DMD: variants seen among roughly 807,000 people sequenced by gnomAD.
The protein encoded by DMD is dystrophin.
DMD carries 63 observed loss-of-function variants against 330.1 expected under a neutral mutation model. The observed-to-expected ratio is 0.19, with a 90% CI of 0.16 to 0.24. The LOEUF (loss-of-function observed/expected upper bound fraction) is 0.24. Ranked by LOEUF, DMD falls within the 10% of genes least tolerant of loss-of-function variation. The pLI, the probability that DMD is intolerant of heterozygous loss-of-function variation, is 1.00. For missense variants in DMD, 3,344 were observed against 2,684.1 expected (o/e 1.25, Z -5.43); for synonymous variants, 1,223 against 959.8 (o/e 1.27, Z -5.07).
chrX:32,084,104 A>C (rs1429865244), intron 44 of DMD, among the ~76,000 whole-genome samples: 1 of 112,035 alleles, frequency 8.9e-6, no homozygotes, highest in Admixed American at 9.5e-5. Context: ...ATGAACTTTA[A>C]ATGTTTCTGA....
At chrX:32,468,371 T>G (rs1409078988) in intron 23 of DMD, 127 bp downstream of exon 23, 5 of 587,026 alleles carry the variant, frequency 8.5e-6, no homozygotes, top group African/African-American at 2.3e-5. Context: ...TCATGTCTTT[T>G]CATCTTCTCA....
chrX:32,362,508 C>T (rs2097840565), intron 37 of DMD, among the ~76,000 whole-genome samples: 1 of 111,047 alleles, frequency 9.0e-6, no homozygotes. Context: ...CCTGAAAGTA[C>T]GTATGTAAAC....
At chrX:31,655,841 T>C (rs760993807) in intron 54 of DMD, among the ~76,000 whole-genome samples, 1 of 111,715 alleles carries the variant, frequency 9.0e-6, no homozygotes, top group East Asian at 2.8e-4. Context: ...CATTATAAAT[T>C]ACCCAGTCTG....
intron 30 of DMD, among the ~76,000 whole-genome samples, chrX:32,404,836 T>C (rs1322193276): frequency 9.0e-6 from 1 of 111,449 alleles, no homozygotes; most frequent in Non-Finnish European, 1.9e-5. Flanking sequence ...TAGAAAAAAA[T>C]GAATTGAAGA....
At chrX:32,700,064 G>T (rs1327734739) in intron 7 of DMD, among the ~76,000 whole-genome samples, 1 of 111,178 alleles carries the variant, frequency 9.0e-6, no homozygotes, top group African/African-American at 3.3e-5. Context: ...TAAAGTGGCA[G>T]CTCCTTCAAA....
intron 54 of DMD, among the ~76,000 whole-genome samples, chrX:31,637,471 G>A (rs1433384007): frequency 1.8e-5 from 2 of 110,967 alleles, no homozygotes; most frequent in African/African-American, 6.5e-5. Flanking sequence ...GGTGCATCTG[G>A]TTTTAAGAAT....
At chrX:32,264,054 C>G (rs2097334230) in intron 43 of DMD, among the ~76,000 whole-genome samples, 1 of 111,464 alleles carries the variant, frequency 9.0e-6, no homozygotes, top group Non-Finnish European at 1.9e-5. Flanking sequence ...CCACCCAAAT[C>G]CCGTCTTGAA....
chrX:32,730,322 G>A (rs973173069), intron 7 of DMD, among the ~76,000 whole-genome samples: 4 of 112,066 alleles, frequency 3.6e-5, no homozygotes, highest in Admixed American at 2.8e-4. Flanking sequence ...CTCCAGCCTG[G>A]GCAAAAGAGT....
At chrX:33,150,902 CT>C (rs1380478487) in intron 1 of DMD, among the ~76,000 whole-genome samples, 2 of 111,541 alleles carry the variant, frequency 1.8e-5, no homozygotes, top group Non-Finnish European at 3.8e-5. Context: ...GGCTTTTACC[CT>C]GAAGCAAACC....
intron 55 of DMD, among the ~76,000 whole-genome samples, chrX:31,515,757 A>G (rs1356506019): frequency 8.9e-6 from 1 of 111,911 alleles, no homozygotes; most frequent in Non-Finnish European, 1.9e-5. Context: ...GTAGCCCTTG[A>G]AGGCATCACC....
chrX:32,141,578 TCTCTGTGC>T, intron 44 of DMD, among the ~76,000 whole-genome samples: 1 of 111,530 alleles, frequency 9.0e-6, no homozygotes, highest in South Asian at 3.8e-4. Context: ...TCTCCTTTGC[TCTCTGTGC>T]CTCCTAAAAC....
chrX:32,742,634 G>T (rs191406562), intron 7 of DMD, among the ~76,000 whole-genome samples: 7 of 111,714 alleles, frequency 6.3e-5, no homozygotes, highest in Non-Finnish European at 1.1e-4. Context: ...TGGGACAAAA[G>T]AATCAGGAAT....
Position 31,229,201 on chromosome X carries a change from A to C in DMD, c.9287-6080T>G, listed in dbSNP as rs181142957. On this transcript the variant is annotated intron_variant, in intron 63 of 78. Transcript: ENST00000357033. ...CATATCTACATGTTACATGCTTTTG[A>C]AAAATAGTGAGAAACACCTCAGCAT... 3.0e-4 allele frequency among the ~76,000 whole-genome samples: 34 copies of C among 112,403 alleles called. No individual in the cohort carries two copies. In the East Asian group the frequency reaches 3.9e-3, roughly 13 times the overall value.
intron 67 of DMD, among the ~76,000 whole-genome samples, chrX:31,183,455 T>A (rs932825452): frequency 3.6e-5 from 4 of 111,113 alleles, no homozygotes; most frequent in Non-Finnish European, 5.7e-5. Flanking sequence ...GCAGCAGAGC[T>A]GATAATAGAA....
At chrX:32,928,889 C>T (rs753326901) in intron 2 of DMD, among the ~76,000 whole-genome samples, 1 of 112,022 alleles carries the variant, frequency 8.9e-6, no homozygotes, top group Non-Finnish European at 1.9e-5. Context: ...TTATGCATGG[C>T]TTTATTCTTT....
intron 2 of DMD, among the ~76,000 whole-genome samples, chrX:32,854,510 A>C (rs1319114295): frequency 1.8e-5 from 2 of 109,949 alleles, no homozygotes; most frequent in Admixed American, 9.8e-5. Context: ...ACAGCATACT[A>C]AAACTTGTGG....
intron 55 of DMD, among the ~76,000 whole-genome samples, chrX:31,609,006 A>G (rs754031117): frequency 6.2e-5 from 7 of 112,235 alleles, no homozygotes; most frequent in African/African-American, 2.3e-4. Flanking sequence ...GTACTTACTT[A>G]TATCTTTGAC....
At chrX:31,376,801 T>C (rs1320135223) in intron 60 of DMD, among the ~76,000 whole-genome samples, 1 of 112,145 alleles carries the variant, frequency 8.9e-6, no homozygotes, top group African/African-American at 3.2e-5. Flanking sequence ...GCAGCTTTCC[T>C]AGTGAGGGTG....
intron 50 of DMD, among the ~76,000 whole-genome samples, chrX:31,795,285 T>C (rs1275392352): frequency 8.9e-6 from 1 of 112,442 alleles, no homozygotes; most frequent in Non-Finnish European, 1.9e-5. Flanking sequence ...TCATCTTTAG[T>C]ACAATAGTAG....
Sources: allele counts gnomAD v4.1 joint callset (sites outside exome capture counted in the v4.1 genomes callset), GRCh38; gene constraint gnomAD v4.1.1; transcripts MANE v1.5; gene names NCBI Gene and HGNC (gene_info 2026-07-23, HGNC 2026-07-21).